DNER: variants seen among roughly 807,000 people sequenced by gnomAD.
DNER encodes delta and Notch-like epidermal growth factor-related receptor.
A neutral mutation model predicts 78.2 loss-of-function variants in DNER; 33 were observed. The observed-to-expected ratio is 0.42, with a 90% CI of 0.32 to 0.56. DNER has a LOEUF of 0.56. Ranked by LOEUF, DNER falls within the 20% of genes least tolerant of loss-of-function variation. The probability of loss-of-function intolerance (pLI) is 0.11; values close to 1 mark genes in which losing one functional copy is unlikely to be tolerated. For missense variants in DNER, 918 were observed against 975.3 expected (o/e 0.94, Z 0.78); for synonymous variants, 417 against 384.8 (o/e 1.08, Z -0.98).
At chr2:229,682,196 A>G (rs1699398561) in intron 1 of DNER, among the ~76,000 whole-genome samples, 1 of 152,208 alleles carries the variant, frequency 6.6e-6, no homozygotes, top group South Asian at 2.1e-4. Context: ...CTAGTTCACA[A>G]ATTTAGCCCA....
intron 4 of DNER, among the ~76,000 whole-genome samples, chr2:229,563,891 C>T (rs1200140431): frequency 7.2e-6 from 1 of 138,760 alleles, no homozygotes; most frequent in Non-Finnish European, 1.5e-5. Context: ...ATCGTCATCA[C>T]CCCATCACCA....
In DNER at chr2:229,571,014, C is replaced by T. The variant is rs528465756; in HGVS notation, c.847+14844G>A. Among the ~76,000 whole-genome samples the T allele has an allele frequency of 5.1e-4, 78 of 152,220 alleles. 1 individual carries two copies. The highest frequency in any genetic ancestry group is 1.0e-3 in the Admixed American group (16 of 15,274). ...AGCAGAGATGAGACATAAAATGGTC[C>T]TCCCCAAATATGGTCCCAGTTGTAG... is the stretch of plus-strand genomic sequence containing the variant. On this transcript the variant is annotated intron_variant, in intron 4 of 12. Coordinates refer to ENST00000341772, the MANE Select transcript of DNER (RefSeq NM_139072.4).
At chr2:229,365,008 G>A (rs974662609) in intron 12 of DNER, among the ~76,000 whole-genome samples, 1 of 151,782 alleles carries the variant, frequency 6.6e-6, no homozygotes, top group East Asian at 1.9e-4. Flanking sequence ...TATCTTTGTC[G>A]TTGCTGTTAT....
chr2:229,375,588 C>G (rs1362944347), intron 11 of DNER, among the ~76,000 whole-genome samples: 1 of 152,160 alleles, frequency 6.6e-6, no homozygotes, highest in Non-Finnish European at 1.5e-5. Flanking sequence ...ACCACCATTG[C>G]TTCCAAGGGG....
chr2:229,445,853 A>G (rs1006450352), intron 8 of DNER, among the ~76,000 whole-genome samples: 2 of 152,218 alleles, frequency 1.3e-5, no homozygotes, highest in Non-Finnish European at 2.9e-5. Flanking sequence ...AAACAGCCCT[A>G]TTCCCTCTGA....
At chr2:229,481,650 A>T (rs369029805) in intron 6 of DNER, among the ~76,000 whole-genome samples, 4 of 152,316 alleles carry the variant, frequency 2.6e-5, no homozygotes, top group Admixed American at 1.3e-4. Context: ...TAAATGAAAA[A>T]TACCATTAAA....
intron 1 of DNER, among the ~76,000 whole-genome samples, chr2:229,608,578 A>G (rs1373147085): frequency 6.6e-6 from 1 of 152,226 alleles, no homozygotes; most frequent in African/African-American, 2.4e-5. Flanking sequence ...GAAACACCAT[A>G]GTGAGTGGGA....
In DNER at chr2:229,500,037, G is replaced by A. The variant is rs185975960; in HGVS notation, c.1147+12746C>T. Reference sequence around the variant, plus strand: ...CAACCTCCACCTCCCAGGTTCAAGCGATTCTCCTGCCTCAGCCTCCTGAGT... The same window carrying A: ...CAACCTCCACCTCCCAGGTTCAAGCAATTCTCCTGCCTCAGCCTCCTGAGT... On this transcript the variant is annotated intron_variant, in intron 6 of 12. Transcript: ENST00000341772. Among the ~76,000 whole-genome samples, 787 of 151,536 alleles carry A rather than the reference G, an allele frequency of 5.2e-3. 5 individuals carry two copies. The highest frequency in any genetic ancestry group is 0.018 in the African/African-American group (744 of 41,268).
chr2:229,505,670 A>G lies in DNER; in HGVS notation c.1147+7113T>C, dbSNP rs529599682. ...CCTTAAATTATATTAAACAAGAAAG[A>G]CCTTTCACATGGAGGGATTTTTCTC... On this transcript the variant is annotated intron_variant, in intron 6 of 12. Coordinates refer to ENST00000341772, the MANE Select transcript of DNER (RefSeq NM_139072.4). 9.1e-4 allele frequency among the ~76,000 whole-genome samples: 139 copies of G among 152,276 alleles called. 1 individual carries two copies. Among genetic ancestry groups the G allele is most frequent in the Middle Eastern group, 3.4e-3 (1 of 292 alleles).
intron 5 of DNER, among the ~76,000 whole-genome samples, chr2:229,525,909 C>G (rs182723307): frequency 1.1e-3 from 174 of 152,324 alleles, no homozygotes; most frequent in African/African-American, 3.9e-3. Flanking sequence ...TTATTTGAAT[C>G]TAGACCCACA....
intron 4 of DNER, among the ~76,000 whole-genome samples, chr2:229,570,884 G>A (rs1697207643): frequency 1.3e-5 from 2 of 152,228 alleles, no homozygotes; most frequent in South Asian, 4.1e-4. Flanking sequence ...GGGGAGAAGA[G>A]GGGAAGCCAG....
At chr2:229,577,005 G>T (rs1697314739) in intron 4 of DNER, among the ~76,000 whole-genome samples, 1 of 152,184 alleles carries the variant, frequency 6.6e-6, no homozygotes, top group Non-Finnish European at 1.5e-5. Flanking sequence ...CGGAGAAGGG[G>T]ACCTACCACA....
At chr2:229,526,309 T>G (rs2154212702) in intron 5 of DNER, among the ~76,000 whole-genome samples, 1 of 152,350 alleles carries the variant, frequency 6.6e-6, no homozygotes, top group South Asian at 2.1e-4. Flanking sequence ...CGTGTTCCTC[T>G]CAAAAGTGCC....
At chr2:229,483,179 G>C (rs954443865) in intron 6 of DNER, among the ~76,000 whole-genome samples, 8 of 152,104 alleles carry the variant, frequency 5.3e-5, no homozygotes, top group Non-Finnish European at 1.0e-4. Flanking sequence ...CAGGACTCCT[G>C]AGACAGCCAA....
intron 1 of DNER, among the ~76,000 whole-genome samples, chr2:229,613,502 A>G (rs1698088118): frequency 6.6e-6 from 1 of 152,212 alleles, no homozygotes. Flanking sequence ...GTAACCCTGT[A>G]AGGCAAATAT....
intron 1 of DNER, among the ~76,000 whole-genome samples, chr2:229,669,667 T>C (rs1699174083): frequency 6.6e-6 from 1 of 152,138 alleles, no homozygotes; most frequent in Admixed American, 6.5e-5. Context: ...TTTATTCTTT[T>C]TGTAGCAATT....
intron 5 of DNER, among the ~76,000 whole-genome samples, chr2:229,527,570 A>C (rs1032675886): frequency 1.3e-5 from 2 of 152,204 alleles, no homozygotes; most frequent in African/African-American, 4.8e-5. Context: ...CTGGTGTCTC[A>C]AGGAAATTTG....
rs555047737 is a variant in DNER at position 229,586,508 on chromosome 2, TAAAAAAAAAAAAAAAAAAAAAAAAAA to T, written c.681-510_681-485del. On this transcript the variant is annotated intron_variant, in intron 3 of 12. Transcript: ENST00000341772. Reference sequence around the variant, plus strand: ...CAGGCCTCCCCTGGCTCATTTTTGGTAAAAAAAAAAAAAAAAAAAAAAAAAAAAAAAAAAAAAAAAAACACACAAAA... The same window carrying T: ...CAGGCCTCCCCTGGCTCATTTTTGGTAAAAAAAAAAAAAAAACACACAAAA... Among the ~76,000 whole-genome samples, 12 of 13,490 alleles carry T rather than the reference TAAAAAAAAAAAAAAAAAAAAAAAAAA, an allele frequency of 8.9e-4. 2 individuals carry two copies. Among genetic ancestry groups the T allele is most frequent in the Admixed American group, 3.2e-3 (2 of 630 alleles). The allele number at this position is 13,490 out of a possible 152,430, so 8.8% of individuals were successfully genotyped here.
chr2:229,462,624 T>C (rs1694727188), intron 7 of DNER, among the ~76,000 whole-genome samples: 1 of 152,198 alleles, frequency 6.6e-6, no homozygotes, highest in Non-Finnish European at 1.5e-5. Context: ...CAGTTTTCTC[T>C]TATGAGATTC....
Sources: gnomAD v4.1 joint callset for allele counts (sites outside exome capture counted in the v4.1 genomes callset) on GRCh38, gnomAD v4.1.1 for gene constraint, MANE v1.5 for transcripts, NCBI Gene and HGNC (gene_info 2026-07-23, HGNC 2026-07-21) for gene names.